Variants in ATOX1 observed in about 807,000 individuals in gnomAD.
The protein encoded by ATOX1 is copper transport protein ATOX1.
ATOX1 carries 4 observed loss-of-function variants against 7.3 expected under a neutral mutation model. The ratio of observed to expected loss-of-function variants is 0.55; its 90% CI spans 0.27 to 1.25. The LOEUF (loss-of-function observed/expected upper bound fraction) is 1.25, where lower values mean the gene tolerates loss of function less well. Among genes scored for constraint, ATOX1 ranks in the 50% most tolerant of loss-of-function variants. ATOX1 has a pLI of 0.12. For missense variants in ATOX1, 68 were observed against 81.6 expected (o/e 0.83, Z 0.64); for synonymous variants, 25 against 28.7 (o/e 0.87, Z 0.41).
At chr5:151,755,305 A>G (rs1158812014) in intron 1 of ATOX1, among the ~76,000 whole-genome samples, 1 of 152,230 alleles carries the variant, frequency 6.6e-6, no homozygotes, top group Non-Finnish European at 1.5e-5. Context: ...TATCTAAGTT[A>G]GTCCTCACTG....
intron 1 of ATOX1, chr5:151,752,456 A>G: frequency 1.5e-6 from 1 of 683,792 alleles, no homozygotes. Flanking sequence ...TACAGTCTCT[A>G]GGATATCTAA....
At chr5:151,744,790 T>G (rs1304713273) in intron 3 of ATOX1, 3 of 152,198 alleles carry the variant, frequency 2.0e-5, no homozygotes, top group Non-Finnish European at 4.4e-5. Flanking sequence ...GGTGGAGGAA[T>G]GATGTAAGAA....
chr5:151,750,640 C>CTTT (rs1561521875), intron 2 of ATOX1, among the ~76,000 whole-genome samples: 2 of 103,046 alleles, frequency 1.9e-5, no homozygotes, highest in Non-Finnish European at 4.1e-5. Flanking sequence ...TCCTTTTTTT[C>CTTT]TTTCTTTTTT....
intron 1 of ATOX1, among the ~76,000 whole-genome samples, chr5:151,753,098 A>G (rs1052341804): frequency 1.3e-5 from 2 of 152,206 alleles, no homozygotes; most frequent in Non-Finnish European, 1.5e-5. Context: ...AAGAAATTCC[A>G]GCAACCACAA....
At chr5:151,743,907 G>A (rs560392832) in intron 3 of ATOX1, 4 of 151,868 alleles carry the variant, frequency 2.6e-5, no homozygotes, top group African/African-American at 9.6e-5. Context: ...ACTTACACAT[G>A]TTTGAAACTT....
chr5:151,751,344 T>G (rs1344157684), intron 2 of ATOX1, among the ~76,000 whole-genome samples: 3 of 151,444 alleles, frequency 2.0e-5, no homozygotes, highest in Admixed American at 6.6e-5. Flanking sequence ...ACATATGAAC[T>G]AGTACTGCCA....
intron 1 of ATOX1, 121 bp from the exon 2 acceptor site, chr5:151,751,900 G>T: frequency 1.1e-6 from 1 of 915,182 alleles, no homozygotes. Flanking sequence ...GACCTGGTTG[G>T]CATCAGACTC....
intron 2 of ATOX1, among the ~76,000 whole-genome samples, chr5:151,747,399 T>A (rs778623674): frequency 3.4e-4 from 52 of 151,684 alleles, no homozygotes; most frequent in Admixed American, 5.9e-4. Flanking sequence ...GATCCTCCCT[T>A]CTCAGCCTCC....
intron 1 of ATOX1, among the ~76,000 whole-genome samples, chr5:151,755,118 A>C (rs1761998334): frequency 6.6e-6 from 1 of 152,072 alleles, no homozygotes; most frequent in African/African-American, 2.4e-5. Context: ...AATGTTTACT[A>C]TCGGTGCCGT....
intron 3 of ATOX1, chr5:151,744,461 A>C (rs1248742430): frequency 6.6e-6 from 1 of 152,230 alleles, no homozygotes; most frequent in Non-Finnish European, 1.5e-5. Context: ...CAATAAAATA[A>C]CATGAGAAAA....
intron 1 of ATOX1, among the ~76,000 whole-genome samples, chr5:151,757,371 T>C (rs967508731): frequency 2.0e-5 from 3 of 152,220 alleles, no homozygotes; most frequent in Non-Finnish European, 4.4e-5. Context: ...TCTTCTACCA[T>C]TGCCACAGGC....
intron 2 of ATOX1, among the ~76,000 whole-genome samples, chr5:151,751,256 C>CA (rs59348695): frequency 0.071 from 4,415 of 62,118 alleles, 153 homozygotes; most frequent in African/African-American, 0.13. Flanking sequence ...AACTCTGTCT[C>CA]AAAAAAAAAA....
At chr5:151,749,894 G>A (rs138244072) in intron 2 of ATOX1, among the ~76,000 whole-genome samples, 220 of 152,224 alleles carry the variant, frequency 1.4e-3, no homozygotes, top group South Asian at 5.0e-3. Flanking sequence ...GCGGGACTAC[G>A]GGCAAGTCAC....
At chr5:151,751,803 T>C in intron 1 of ATOX1, 24 bp from the exon 2 acceptor site, 1 of 1,589,122 alleles carries the variant, frequency 6.3e-7, no homozygotes. Flanking sequence ...AGGGGGACCA[T>C]GACCCGAGCC....
intron 3 of ATOX1, chr5:151,745,114 C>CA (rs1434303338): frequency 6.6e-6 from 1 of 152,212 alleles, no homozygotes; most frequent in Non-Finnish European, 1.5e-5. Context: ...TTGTAACTTG[C>CA]ATGTGATGTT....
At chr5:151,748,376 T>C (rs1325096321) in intron 2 of ATOX1, among the ~76,000 whole-genome samples, 1 of 152,134 alleles carries the variant, frequency 6.6e-6, no homozygotes, top group East Asian at 1.9e-4. Context: ...GGCCAGCTCC[T>C]GTGGCCTTTC....
intron 1 of ATOX1, among the ~76,000 whole-genome samples, chr5:151,753,111 A>G (rs1338398034): frequency 6.6e-6 from 1 of 152,198 alleles, no homozygotes; most frequent in Non-Finnish European, 1.5e-5. Flanking sequence ...AACCACAAGG[A>G]GAGGTCCACA....
At chr5:151,750,984 G>C (rs1761942143) in intron 2 of ATOX1, among the ~76,000 whole-genome samples, 1 of 151,834 alleles carries the variant, frequency 6.6e-6, no homozygotes, top group South Asian at 2.1e-4. Flanking sequence ...AGGCTGCGTA[G>C]GGTGGCTCGC....
chr5:151,754,596 G>T (rs1761989064), intron 1 of ATOX1, among the ~76,000 whole-genome samples: 1 of 151,530 alleles, frequency 6.6e-6, no homozygotes, highest in African/African-American at 2.4e-5. Flanking sequence ...TAATTTAAAA[G>T]AAAAAAATTG....
Sources: gnomAD v4.1 joint callset for allele counts (sites outside exome capture counted in the v4.1 genomes callset) on GRCh38, gnomAD v4.1.1 for gene constraint, MANE v1.5 for transcripts, NCBI Gene and HGNC (gene_info 2026-07-23, HGNC 2026-07-21) for gene names.